The following ZBTB49 variants were observed in gnomAD, a reference collection of about 807,000 sequenced individuals.
The protein encoded by ZBTB49 is zinc finger and BTB domain containing 49.
ZBTB49 carries 43 observed loss-of-function variants against 57.5 expected under a neutral mutation model. That is an observed-to-expected ratio of 0.75 (90% CI 0.59 to 0.97). The LOEUF is 0.97. Ranked by LOEUF, ZBTB49 falls within the 50% of genes least tolerant of loss-of-function variation. The probability of loss-of-function intolerance (pLI) is 0.00; values close to 1 mark genes in which losing one functional copy is unlikely to be tolerated. For synonymous variants in ZBTB49, 369 were observed against 362.1 expected (o/e 1.02, Z -0.22); for missense variants, 938 against 947.7 (o/e 0.99, Z 0.13).
intron 1 of ZBTB49, among the ~76,000 whole-genome samples, chr4:4,291,616 C>G: frequency 6.6e-6 from 1 of 152,174 alleles, no homozygotes; most frequent in Non-Finnish European, 1.5e-5. Context: ...TTTTTGTGTT[C>G]AGGGCACATA....
chr4:4,317,964 C>A (rs1313036123), intron 7 of ZBTB49, among the ~76,000 whole-genome samples: 1 of 152,210 alleles, frequency 6.6e-6, no homozygotes, highest in African/African-American at 2.4e-5. Flanking sequence ...CGGGCAGCCT[C>A]CCCTGCTGAT....
intron 1 of ZBTB49, among the ~76,000 whole-genome samples, chr4:4,296,599 C>T (rs1336218692): frequency 6.6e-6 from 1 of 152,196 alleles, no homozygotes; most frequent in African/African-American, 2.4e-5. Context: ...TAATAAACCT[C>T]TTTCTTTTGT....
At chr4:4,301,156 G>A (rs1720454988) in intron 2 of ZBTB49, among the ~76,000 whole-genome samples, 2 of 152,152 alleles carry the variant, frequency 1.3e-5, no homozygotes, top group Non-Finnish European at 2.9e-5. Flanking sequence ...AGGCTGTTTT[G>A]CGCTTAAAAA....
chr4:4,314,923 G>A (rs939374513), intron 5 of ZBTB49, among the ~76,000 whole-genome samples: 7 of 152,188 alleles, frequency 4.6e-5, no homozygotes, highest in East Asian at 3.9e-4. Context: ...ACATGTAACC[G>A]ATCACCTGCA....
chr4:4,300,771 ACT>A (rs1377783511), intron 2 of ZBTB49, among the ~76,000 whole-genome samples: 1 of 145,664 alleles, frequency 6.9e-6, no homozygotes, highest in Admixed American at 7.1e-5. Context: ...ACAGAGGGAG[ACT>A]CTGTCTCTTA....
intron 5 of ZBTB49, among the ~76,000 whole-genome samples, chr4:4,314,128 A>C (rs571735661): frequency 3.9e-5 from 6 of 152,236 alleles, no homozygotes; most frequent in Admixed American, 1.3e-4. Flanking sequence ...TGCCAATGGT[A>C]GAAAACAAAC....
At chr4:4,317,751 G>T (rs1721248104) in intron 7 of ZBTB49, among the ~76,000 whole-genome samples, 1 of 152,068 alleles carries the variant, frequency 6.6e-6, no homozygotes, top group African/African-American at 2.4e-5. Context: ...GCAGGCTCGT[G>T]TGCTCTCGCT....
intron 4 of ZBTB49, among the ~76,000 whole-genome samples, chr4:4,310,442 C>T (rs545779980): frequency 5.3e-5 from 8 of 151,832 alleles, no homozygotes; most frequent in Admixed American, 1.3e-4. Flanking sequence ...CTCTTCGCAA[C>T]GGTTTAGCAA....
intron 4 of ZBTB49, among the ~76,000 whole-genome samples, chr4:4,306,409 G>A (rs1362654045): frequency 6.6e-6 from 1 of 151,880 alleles, no homozygotes; most frequent in Admixed American, 6.5e-5. Context: ...TACTTTTTTC[G>A]CCTTGCTAAG....
chr4:4,297,794 A>G (rs1720283781), intron 1 of ZBTB49, among the ~76,000 whole-genome samples: 1 of 140,240 alleles, frequency 7.1e-6, no homozygotes, highest in Non-Finnish European at 1.6e-5. Flanking sequence ...AAAAAAAAGA[A>G]TGGTGGGAAA....
chr4:4,299,346 T>C (rs1720369208), intron 1 of ZBTB49, among the ~76,000 whole-genome samples: 1 of 150,934 alleles, frequency 6.6e-6, no homozygotes, highest in Admixed American at 6.6e-5. Context: ...TATATCATTG[T>C]CTGGTGATGT....
intron 3 of ZBTB49, among the ~76,000 whole-genome samples, chr4:4,305,194 G>GAAGCC (rs1337163994): frequency 6.6e-6 from 1 of 151,440 alleles, no homozygotes; most frequent in East Asian, 1.9e-4. Flanking sequence ...CAGGGTCAAG[G>GAAGCC]AAGCCATTAG....
intron 1 of ZBTB49, among the ~76,000 whole-genome samples, chr4:4,298,927 A>T (rs565953290): frequency 2.6e-5 from 4 of 152,090 alleles, no homozygotes; most frequent in Non-Finnish European, 4.4e-5. Flanking sequence ...TGTTTCCCTC[A>T]CTAGAATTTC....
chr4:4,314,568 C>T (rs1036835679), intron 5 of ZBTB49, among the ~76,000 whole-genome samples: 4 of 152,146 alleles, frequency 2.6e-5, no homozygotes, highest in South Asian at 2.1e-4. Flanking sequence ...GACGGGGTTT[C>T]GCCATGCTGG....
At position 4,302,112 on chromosome 4, in the gene ZBTB49, C is replaced by T; in HGVS notation, c.276C>T (p.Asp92=). ...CTTCTCATCTAGATCTTAACCAGGACAATATACAAGTAATGCTGGACACAG... is the reference window on the plus strand; with the variant it reads ...CTTCTCATCTAGATCTTAACCAGGATAATATACAAGTAATGCTGGACACAG... ...MYTSHLDLNQ[D]NIQVMLDTAQ... is the part of the protein sequence containing the mutation. Residue 92 remains aspartate (D), a synonymous_variant, in exon 3 of 8, where the codon GAC becomes GAT. Transcript: ENST00000337872. The T allele has an allele frequency of 1.2e-6, 2 of 1,614,158 alleles. No homozygotes were observed.
Position 4,321,090 on chromosome 4 carries a change from C to T in ZBTB49, c.2072C>T (p.Ala691Val). The change falls in exon 8 of 8, where the codon GCT becomes GTT. Residue 691 changes from alanine to valine, a missense_variant. Ala to Val is a moderately conservative substitution (Grantham distance 64). Around this residue, in one of 3 missense-constraint regions of ZBTB49, gnomAD observed 835 missense variants for 819.1 expected, o/e 1.02. Transcript: ENST00000337872. ...CAGCAGACACAGCCTCAGGCCTATG[C>T]TTACTCGGATGTGGACACCCCAGCC... ...QMQQTQPQAY[A>V]YSDVDTPAGG... The T allele has an allele frequency of 6.2e-7, 1 of 1,614,194 alleles. No individual in the cohort carries two copies. The highest frequency in any genetic ancestry group is 8.5e-7 in the Non-Finnish European group (1 of 1,180,040).
rs1196173985 is a variant in ZBTB49, at chr4:4,321,047, C to T, written c.2029C>T (p.Leu677Phe). Residue 677 changes from leucine (L) to phenylalanine (F), a missense_variant, in exon 8 of 8, where the codon CTT becomes TTT. By Grantham distance (22) the Leu-to-Phe change is conservative. This residue lies in a region of ZBTB49 where 835 missense variants were observed against 819.1 expected (regional missense o/e 1.02). Coordinates refer to ENST00000337872, the MANE Select transcript of ZBTB49 (RefSeq NM_145291.4). ...QEKLSLDPGK[L>F]AKPQMQQTQP... ...GAAGCTGAGTTTGGATCCTGGTAAA[C>T]TTGCCAAGCCCCAGATGCAGCAGAC... 1 of 1,614,208 alleles carries T rather than the reference C, an allele frequency of 6.2e-7. No individual in the cohort carries two copies. Among genetic ancestry groups the T allele is most frequent in the African/African-American group, 1.3e-5 (1 of 75,052 alleles).
intron 1 of ZBTB49, among the ~76,000 whole-genome samples, chr4:4,295,413 C>T (rs1322325463): frequency 6.6e-6 from 1 of 152,190 alleles, no homozygotes; most frequent in African/African-American, 2.4e-5. Flanking sequence ...CCAGTCACCT[C>T]CCAACAGGTC....
At chr4:4,294,602 G>C (rs1720098235) in intron 1 of ZBTB49, among the ~76,000 whole-genome samples, 1 of 152,112 alleles carries the variant, frequency 6.6e-6, no homozygotes, top group Non-Finnish European at 1.5e-5. Context: ...TGATCCGCCT[G>C]CCTCGGCCTC....
Sources: allele counts gnomAD v4.1 joint callset (sites outside exome capture counted in the v4.1 genomes callset), GRCh38; gene constraint gnomAD v4.1.1; regional missense constraint gnomAD v4.1.1; transcripts MANE v1.5; gene names NCBI Gene and HGNC (gene_info 2026-07-23, HGNC 2026-07-21).